The following PELI1 variants were observed in gnomAD, a reference collection of about 807,000 sequenced individuals.
PELI1 encodes the protein E3 ubiquitin-protein ligase pellino homolog 1.
A neutral mutation model predicts 41.3 loss-of-function variants in PELI1; 15 were observed. The ratio of observed to expected loss-of-function variants is 0.36; its 90% CI spans 0.24 to 0.56. The LOEUF (loss-of-function observed/expected upper bound fraction) is 0.56, where lower values mean the gene tolerates loss of function less well. Ranked by LOEUF, PELI1 falls within the 20% of genes least tolerant of loss-of-function variation. The pLI is 0.82. For missense variants in PELI1, 403 were observed against 525.5 expected (o/e 0.77, Z 2.28); for synonymous variants, 178 against 180.1 (o/e 0.99, Z 0.09).
intron 2 of PELI1, among the ~76,000 whole-genome samples, chr2:64,105,074 G>A (rs188649231): frequency 4.6e-5 from 7 of 151,506 alleles, no homozygotes; most frequent in South Asian, 4.2e-4. Context: ...ACACAGATTC[G>A]TGTTATCTCT....
At chr2:64,120,715 GAGTC>G (rs1432954343) in intron 1 of PELI1, among the ~76,000 whole-genome samples, 4 of 152,208 alleles carry the variant, frequency 2.6e-5, no homozygotes, top group African/African-American at 9.6e-5. Context: ...CCTGACTGGA[GAGTC>G]AGTAAGTGTC....
At chr2:64,114,044 T>C (rs1228187737) in intron 1 of PELI1, among the ~76,000 whole-genome samples, 1 of 152,172 alleles carries the variant, frequency 6.6e-6, no homozygotes, top group African/African-American at 2.4e-5. Flanking sequence ...ACATATCTTC[T>C]GAGCACTTCT....
intron 1 of PELI1, among the ~76,000 whole-genome samples, chr2:64,110,262 A>G (rs1055630760): frequency 1.7e-4 from 26 of 151,540 alleles, no homozygotes; most frequent in African/African-American, 5.8e-4. Flanking sequence ...AAAAAAAAAA[A>G]AAAAAAGAAA....
intron 1 of PELI1, among the ~76,000 whole-genome samples, chr2:64,136,236 G>A (rs754396767): frequency 3.6e-4 from 55 of 151,706 alleles, no homozygotes; most frequent in Non-Finnish European, 7.1e-4. Context: ...AAGACTTTCA[G>A]AGTTAATGGA....
At chr2:64,136,902 A>AAAAAC (rs986860163) in intron 1 of PELI1, among the ~76,000 whole-genome samples, 2 of 152,210 alleles carry the variant, frequency 1.3e-5, no homozygotes, top group Non-Finnish European at 2.9e-5. Flanking sequence ...GCTCTGTCTC[A>AAAAAC]AAAACAAAAC....
chr2:64,096,548 T>G lies in PELI1; in HGVS notation c.366A>C (p.Gln122His), dbSNP rs1183162247. The change falls in exon 5 of 7, where the codon CAA becomes CAC. Residue 122 changes from glutamine to histidine, a missense_variant. Coordinates refer to ENST00000358912, the MANE Select transcript of PELI1 (RefSeq NM_020651.4). ...FVVTDTVPGS[Q>H]SNSDTQSVQS... The stretch of plus-strand genomic sequence containing the variant: ...GTACTGACTGTGTATCAGAATTACT[T>G]TGACTTCCAGGAACCGTGTCAGTTA... 2 of 1,613,126 alleles carry G rather than the reference T, an allele frequency of 1.2e-6. No individual in the cohort carries two copies. The highest frequency in any genetic ancestry group is 1.7e-6 in the Non-Finnish European group (2 of 1,179,090).
At chr2:64,109,498 T>A (rs562698642) in intron 1 of PELI1, among the ~76,000 whole-genome samples, 15 of 152,120 alleles carry the variant, frequency 9.9e-5, no homozygotes, top group Admixed American at 9.2e-4. Flanking sequence ...CTGACCAACA[T>A]GGATAAACCT....
At chr2:64,120,454 C>T (rs925231923) in intron 1 of PELI1, among the ~76,000 whole-genome samples, 1 of 152,342 alleles carries the variant, frequency 6.6e-6, no homozygotes, top group Admixed American at 6.5e-5. Context: ...CAATAATTTG[C>T]CCATGCAAAT....
intron 1 of PELI1, among the ~76,000 whole-genome samples, chr2:64,132,900 T>C (rs1275356044): frequency 6.6e-6 from 1 of 152,166 alleles, no homozygotes; most frequent in Non-Finnish European, 1.5e-5. Context: ...AGCATATGCA[T>C]TATAATATGA....
Position 64,093,936 on chromosome 2 carries a change from T to C in PELI1, c.*766A>G, listed in dbSNP as rs1680135051. On this transcript the variant is annotated 3_prime_UTR_variant, in exon 7 of 7. Transcript: ENST00000358912. ...TAGATAATCTAGATTAAATTGCATA[T>C]CCAAAGGAGCATATAAAATGTTTCT... 1 of 152,650 alleles carries C rather than the reference T, an allele frequency of 6.6e-6. No individual in the cohort carries two copies. The highest frequency in any genetic ancestry group is 2.4e-5 in the African/African-American group (1 of 41,456). The allele number at this position is 152,650 out of a possible 1,614,324, so 9.5% of individuals were successfully genotyped here.
rs997317312 is a variant in PELI1 at position 64,139,358 on chromosome 2, T to G, written c.-70+4723A>C. 2.6e-5 allele frequency among the ~76,000 whole-genome samples: 4 copies of G among 152,176 alleles called. No homozygotes were observed. The South Asian group carries it at 8.3e-4, about 32-fold the overall frequency. On this transcript the variant is annotated intron_variant, in intron 1 of 6. Coordinates refer to ENST00000358912, the MANE Select transcript of PELI1 (RefSeq NM_020651.4). ...TCTCGCTCTGTTGCCCAGGCTGGAG[T>G]GCAGTGGTGCAATCATGGTTCACTG...
rs1335591186 is a variant in PELI1, at chr2:64,096,501, G to C, written c.413C>G (p.Ala138Gly). 7.4e-6 allele frequency: 12 copies of C among 1,612,284 alleles called. No individual in the cohort carries two copies. Among genetic ancestry groups the C allele is most frequent in the Non-Finnish European group, 1.0e-5 (12 of 1,178,406 alleles). The stretch of plus-strand genomic sequence containing the variant: ...ATTCCGTTCACATATGATTCTGCAG[G>C]CAAATCTTGATATAGTGCTTTGTAC... ...QSVQSTISRF[A>G]CRIICERNPP... Residue 138 changes from alanine (A) to glycine (G), a missense_variant, in exon 5 of 7, where the codon GCC becomes GGC. Coordinates refer to ENST00000358912, the MANE Select transcript of PELI1 (RefSeq NM_020651.4).
intron 1 of PELI1, among the ~76,000 whole-genome samples, chr2:64,138,245 T>C (rs1208545467): frequency 6.6e-6 from 1 of 152,096 alleles, no homozygotes; most frequent in East Asian, 1.9e-4. Flanking sequence ...CTCACACCCT[T>C]GTCTTCTTGT....
chr2:64,143,307 G>C (rs1034661415), intron 1 of PELI1: 3 of 152,180 alleles, frequency 2.0e-5, no homozygotes, highest in South Asian at 2.1e-4. Flanking sequence ...TTTGAACTAC[G>C]TAACAATTAC....
chr2:64,129,717 C>A (rs1428313611), intron 1 of PELI1, among the ~76,000 whole-genome samples: 1 of 151,860 alleles, frequency 6.6e-6, no homozygotes, highest in Non-Finnish European at 1.5e-5. Context: ...TTAAACAAAC[C>A]CTCCTATTAT....
At chr2:64,097,375 G>A (rs1013326804) in intron 4 of PELI1, among the ~76,000 whole-genome samples, 2 of 152,152 alleles carry the variant, frequency 1.3e-5, no homozygotes, top group African/African-American at 4.8e-5. Context: ...GAATAGAAAA[G>A]GAATTTCACT....
chr2:64,135,761 A>C (rs1007626710), intron 1 of PELI1, among the ~76,000 whole-genome samples: 1 of 152,226 alleles, frequency 6.6e-6, no homozygotes, highest in Non-Finnish European at 1.5e-5. Context: ...TATTTCCAAA[A>C]TTAAGTATAG....
At chr2:64,104,920 C>A in intron 2 of PELI1, 90 bp from the exon 3 acceptor site, 1 of 1,066,894 alleles carries the variant, frequency 9.4e-7, no homozygotes, top group Non-Finnish European at 1.4e-6. Flanking sequence ...GAATCAATTC[C>A]CAATTAATTA....
At chr2:64,110,247 G>GAAAAAAAAAAAAAAAAAAAAAAA (rs796716135) in intron 1 of PELI1, among the ~76,000 whole-genome samples, 1 of 100,800 alleles carries the variant, frequency 9.9e-6, no homozygotes, top group African/African-American at 3.3e-5. Flanking sequence ...TCCGTCTCAA[G>GAAAAAAAAAAAAAAAAAAAAAAA]AAAAAAAAAA....
Sources: allele counts gnomAD v4.1 joint callset (sites outside exome capture counted in the v4.1 genomes callset), GRCh38; gene constraint gnomAD v4.1.1; transcripts MANE v1.5; gene names NCBI Gene and HGNC (gene_info 2026-07-23, HGNC 2026-07-21).